The following ATP8A2 variants were observed in gnomAD, a reference collection of about 807,000 sequenced individuals.
The protein encoded by ATP8A2 is ATPase phospholipid transporting 8A2, also known as phospholipid-transporting ATPase IB.
In ATP8A2, 100 loss-of-function variants were observed where a neutral mutation model predicts 165.6. The observed-to-expected ratio is 0.60, with a 90% CI of 0.51 to 0.71. The LOEUF is 0.71. ATP8A2 is among the 30% of genes least tolerant of loss of function. ATP8A2 has a pLI of 0.00. For missense variants in ATP8A2, 1,227 were observed against 1,479.5 expected, an observed-to-expected ratio of 0.83 and a Z score of 2.80; for synonymous variants, 543 against 548.8, an observed-to-expected ratio of 0.99 and a Z score of 0.15.
chr13:25,768,076 T>TGGGGGG (rs397942177), intron 25 of ATP8A2, among the ~76,000 whole-genome samples: 6 of 49,302 alleles, frequency 1.2e-4, no homozygotes, highest in East Asian at 1.2e-3. Context: ...TGTGGTGGCG[T>TGGGGGG]GGGGGGGGGG....
chr13:25,519,641 G>T (rs867751398), intron 2 of ATP8A2, among the ~76,000 whole-genome samples: 2 of 152,082 alleles, frequency 1.3e-5, no homozygotes, highest in African/African-American at 2.4e-5. Flanking sequence ...TCCTGTTTGC[G>T]CCTGGTCACT....
intron 1 of ATP8A2, among the ~76,000 whole-genome samples, chr13:25,418,301 C>A (rs185589082): frequency 6.6e-6 from 1 of 152,240 alleles, no homozygotes; most frequent in East Asian, 1.9e-4. Context: ...CATCAGCTGA[C>A]GTTTTCTTGC....
At chr13:25,576,504 G>A (rs1303592074) in intron 19 of ATP8A2, among the ~76,000 whole-genome samples, 1 of 152,146 alleles carries the variant, frequency 6.6e-6, no homozygotes, top group Admixed American at 6.5e-5. Flanking sequence ...GACTCACTGA[G>A]GGCTCGGTGA....
intron 24 of ATP8A2, among the ~76,000 whole-genome samples, chr13:25,697,374 G>T (rs1287883610): frequency 6.6e-6 from 1 of 152,132 alleles, no homozygotes; most frequent in African/African-American, 2.4e-5. Context: ...CCACCTCCCA[G>T]GTTCAATTGA....
At chr13:25,754,068 TCA>T (rs1320591115) in intron 25 of ATP8A2, among the ~76,000 whole-genome samples, 1 of 152,262 alleles carries the variant, frequency 6.6e-6, no homozygotes, top group Non-Finnish European at 1.5e-5. Context: ...CCCTGCCTTA[TCA>T]CTGCGTAACG....
intron 2 of ATP8A2, among the ~76,000 whole-genome samples, chr13:25,475,601 T>C (rs2035971308): frequency 6.6e-6 from 1 of 152,230 alleles, no homozygotes; most frequent in Non-Finnish European, 1.5e-5. Flanking sequence ...CAAACTGCTT[T>C]TCACAGTAGT....
rs143340396 is a variant in ATP8A2, at chr13:25,988,138, G to C, written c.3377+19459G>C. ...GCCAGTTCATGGAGACTTGTCACAG[G>C]TTGGTGACTGAGAAGGGTCCACCTG... On this transcript the variant is annotated intron_variant, in intron 35 of 36. Coordinates refer to ENST00000381655, the MANE Select transcript of ATP8A2 (RefSeq NM_016529.6). Among the ~76,000 whole-genome samples the C allele has an allele frequency of 9.2e-5, 14 of 152,342 alleles. No homozygotes were observed. The East Asian group carries it at 2.7e-3, about 29-fold the overall frequency.
intron 25 of ATP8A2, among the ~76,000 whole-genome samples, chr13:25,758,678 TC>T (rs954984756): frequency 3.9e-4 from 60 of 152,298 alleles, no homozygotes; most frequent in Admixed American, 2.1e-3. Context: ...CTATCTGAAA[TC>T]CGTTTGTCCA....
chr13:25,821,193 T>C (rs1480083242), intron 27 of ATP8A2, among the ~76,000 whole-genome samples: 4 of 152,214 alleles, frequency 2.6e-5, no homozygotes, highest in African/African-American at 9.6e-5. Flanking sequence ...ACTGGCTGCT[T>C]AGAGGAAATA....
chr13:25,611,328 G>A lies in ATP8A2; in HGVS notation c.2211+21629G>A, dbSNP rs568336960. On this transcript the variant is annotated intron_variant, in intron 24 of 36. Transcript: ENST00000381655. ...CATTGAGGTATGTCCCTTGTATGCC[G>A]ATTTTGCTGAGGGTTTTAATCATAA... Among the ~76,000 whole-genome samples the A allele has an allele frequency of 8.6e-5, 13 of 152,020 alleles. No individual in the cohort carries two copies. The East Asian group carries it at 9.7e-4, about 11-fold the overall frequency.
intron 27 of ATP8A2, among the ~76,000 whole-genome samples, chr13:25,820,188 G>T (rs147795224): frequency 2.5e-4 from 38 of 152,172 alleles, no homozygotes; most frequent in Non-Finnish European, 5.1e-4. Context: ...TAGCCAAGAC[G>T]GTTACTGTGT....
chr13:25,923,744 C>A (rs1449702578), intron 33 of ATP8A2, among the ~76,000 whole-genome samples: 2 of 151,834 alleles, frequency 1.3e-5, no homozygotes, highest in Non-Finnish European at 2.9e-5. Context: ...AAAGATGCTA[C>A]CTAGATCCAG....
chr13:25,510,862 T>A (rs1034238479), intron 2 of ATP8A2, among the ~76,000 whole-genome samples: 11 of 152,244 alleles, frequency 7.2e-5, no homozygotes, highest in Non-Finnish European at 1.2e-4. Flanking sequence ...ACTACTTTTT[T>A]ATATTAAAGT....
intron 27 of ATP8A2, among the ~76,000 whole-genome samples, chr13:25,804,389 T>C (rs1950686123): frequency 6.6e-6 from 1 of 152,222 alleles, no homozygotes; most frequent in Admixed American, 6.6e-5. Context: ...GTAAAGCTCA[T>C]TTTAATTCTG....
chr13:25,559,070 G>GT lies in ATP8A2; in HGVS notation c.1352+12dup. 6.4e-7 allele frequency: 1 copy of GT among 1,570,314 alleles called. No homozygotes were observed. ...GCCGGAGTAACCTATGGGTCAGTGT[G>GT]TTTATCATTTACTGAAAATTTACTT... On this transcript the variant is annotated intron_variant, in intron 14 of 36. Transcript: ENST00000381655.
intron 33 of ATP8A2, among the ~76,000 whole-genome samples, chr13:25,942,091 T>TA (rs1180963153): frequency 1.3e-5 from 2 of 151,658 alleles, no homozygotes; most frequent in Non-Finnish European, 2.9e-5. Flanking sequence ...ACACTGGGTT[T>TA]AAAAAAAAAC....
At chr13:25,693,195 A>C (rs1033051515) in intron 24 of ATP8A2, among the ~76,000 whole-genome samples, 2 of 152,212 alleles carry the variant, frequency 1.3e-5, no homozygotes, top group African/African-American at 4.8e-5. Context: ...GGGAAAATGG[A>C]TTCTAAGTGC....
At chr13:25,841,427 G>C (rs1258252587) in intron 30 of ATP8A2, among the ~76,000 whole-genome samples, 1 of 152,096 alleles carries the variant, frequency 6.6e-6, no homozygotes, top group African/African-American at 2.4e-5. Flanking sequence ...GGTTTTCTTT[G>C]AGTTGTGTTG....
chr13:25,639,114 C>G (rs928838816), intron 24 of ATP8A2, among the ~76,000 whole-genome samples: 4 of 3,660 alleles, frequency 1.1e-3, no homozygotes, highest in Non-Finnish European at 4.1e-3. Context: ...AAGCACTAAA[C>G]ATGGAAAGGA....
Sources: gnomAD v4.1 joint callset for allele counts (sites outside exome capture counted in the v4.1 genomes callset) on GRCh38, gnomAD v4.1.1 for gene constraint, MANE v1.5 for transcripts, NCBI Gene and HGNC (gene_info 2026-07-23, HGNC 2026-07-21) for gene names.